HECW1: variants seen among roughly 807,000 people sequenced by gnomAD.
HECW1 encodes E3 ubiquitin-protein ligase HECW1.
A neutral mutation model predicts 182.3 loss-of-function variants in HECW1; 61 were observed. The observed-to-expected ratio is 0.33, with a 90% CI of 0.27 to 0.41. HECW1 has a LOEUF of 0.41. HECW1 is among the 10% of genes least tolerant of loss of function. The pLI, the probability that HECW1 is intolerant of heterozygous loss-of-function variation, is 1.00. For missense variants in HECW1, 1,739 were observed against 2,108.9 expected (o/e 0.82, Z 3.44); for synonymous variants, 859 against 832.6 (o/e 1.03, Z -0.55).
chr7:43,503,918 C>T (rs367711735), intron 21 of HECW1, among the ~76,000 whole-genome samples: 1 of 152,200 alleles, frequency 6.6e-6, no homozygotes, highest in African/African-American at 2.4e-5. Context: ...GTTCTGTGTA[C>T]ATCCCAAAAC....
At chr7:43,185,732 C>A (rs900181807) in intron 2 of HECW1, among the ~76,000 whole-genome samples, 1 of 152,160 alleles carries the variant, frequency 6.6e-6, no homozygotes, top group Admixed American at 6.5e-5. Context: ...TCAGTACACA[C>A]AGAATAACTT....
intron 8 of HECW1, among the ~76,000 whole-genome samples, chr7:43,437,339 G>A (rs2076744701): frequency 6.6e-6 from 1 of 151,316 alleles, no homozygotes; most frequent in Non-Finnish European, 1.5e-5. Context: ...AAACAGTTTT[G>A]GGTTTTTCTC....
chr7:43,382,378 G>A (rs1021044434), intron 6 of HECW1, among the ~76,000 whole-genome samples: 11 of 152,096 alleles, frequency 7.2e-5, no homozygotes, highest in African/African-American at 9.7e-5. Context: ...GATGCTCTCA[G>A]CACTTGCCCC....
rs760044944 is a variant in HECW1 at position 43,486,334 on chromosome 7, T to TGGAGTGCAATGGCAC, written c.3235-5724_3235-5710dup. 1.8e-3 allele frequency among the ~76,000 whole-genome samples: 268 copies of TGGAGTGCAATGGCAC among 152,140 alleles called. 1 individual carries two copies. Among genetic ancestry groups the TGGAGTGCAATGGCAC allele is most frequent in the African/African-American group, 6.0e-3 (250 of 41,526 alleles). On this transcript the variant is annotated intron_variant, in intron 17 of 29. Transcript: ENST00000395891. ...TGGAGTCTCACCCTGTCTCCCAGGC[T>TGGAGTGCAATGGCAC]GGAGTGCAATGGCACGGAGTGCAAT...
chr7:43,396,058 A>G (rs1395382136), intron 6 of HECW1, among the ~76,000 whole-genome samples: 2 of 152,240 alleles, frequency 1.3e-5, no homozygotes, highest in Non-Finnish European at 2.9e-5. Context: ...AACATACAAC[A>G]CATGCAAAGG....
intron 2 of HECW1, among the ~76,000 whole-genome samples, chr7:43,228,930 C>T (rs1237919730): frequency 6.6e-6 from 1 of 152,144 alleles, no homozygotes; most frequent in Non-Finnish European, 1.5e-5. Context: ...GAGGAATCTA[C>T]CAAATTGGTT....
chr7:43,545,369 A>G (rs183891753), intron 26 of HECW1, among the ~76,000 whole-genome samples: 2 of 152,356 alleles, frequency 1.3e-5, no homozygotes, highest in East Asian at 1.9e-4. Flanking sequence ...CAGAAGAACA[A>G]TCCTCTAGTG....
chr7:43,219,883 A>G (rs1262574460), intron 2 of HECW1, among the ~76,000 whole-genome samples: 1 of 152,058 alleles, frequency 6.6e-6, no homozygotes, highest in African/African-American at 2.4e-5. Flanking sequence ...CTCCCTTACT[A>G]CCACAAAAGG....
At chr7:43,493,391 T>C (rs763886079) in intron 19 of HECW1, among the ~76,000 whole-genome samples, 5 of 152,148 alleles carry the variant, frequency 3.3e-5, no homozygotes, top group Non-Finnish European at 7.3e-5. Context: ...AGATTACATA[T>C]CATTTATATG....
rs561467702 is a variant in HECW1 at position 43,198,062 on chromosome 7, A to C, written c.-31-45813A>C. On this transcript the variant is annotated intron_variant, in intron 2 of 29. Coordinates refer to ENST00000395891, the MANE Select transcript of HECW1 (RefSeq NM_015052.5). The stretch of plus-strand genomic sequence containing the variant: ...TACACACACCATAGTCACACACCCC[A>C]CACACACACTCTCTTACACACCACA... 1.7e-4 allele frequency among the ~76,000 whole-genome samples: 25 copies of C among 145,554 alleles called. No homozygotes were observed. In the East Asian group the frequency reaches 3.1e-3, roughly 18 times the overall value.
chr7:43,477,192 A>T (rs897640698), intron 16 of HECW1, among the ~76,000 whole-genome samples: 1 of 152,158 alleles, frequency 6.6e-6, no homozygotes, highest in African/African-American at 2.4e-5. Flanking sequence ...AGAGCATTAT[A>T]AAGAGGAAGA....
intron 24 of HECW1, among the ~76,000 whole-genome samples, chr7:43,520,947 C>T (rs890474153): frequency 1.3e-5 from 2 of 152,230 alleles, no homozygotes; most frequent in Non-Finnish European, 2.9e-5. Context: ...CTGCAGCCAG[C>T]GTGGTTTCTG....
intron 2 of HECW1, among the ~76,000 whole-genome samples, chr7:43,213,749 AT>A (rs1406176929): frequency 6.6e-6 from 1 of 152,082 alleles, no homozygotes. Flanking sequence ...CCAGCCAATA[AT>A]TTTTTTAAAA....
At chr7:43,450,713 G>C (rs1172684414) in intron 11 of HECW1, 115 bp from the exon 12 acceptor site, 4 of 681,452 alleles carry the variant, frequency 5.9e-6, no homozygotes, top group African/African-American at 5.3e-5. Context: ...CACACAAATG[G>C]ATTTCCCACT....
intron 16 of HECW1, among the ~76,000 whole-genome samples, chr7:43,477,179 G>T (rs1437175684): frequency 6.6e-6 from 1 of 152,230 alleles, no homozygotes; most frequent in East Asian, 1.9e-4. Context: ...ATTAGTATTT[G>T]TGAGAGCATT....
At chr7:43,378,949 T>C (rs1485734857) in intron 6 of HECW1, among the ~76,000 whole-genome samples, 1 of 152,070 alleles carries the variant, frequency 6.6e-6, no homozygotes, top group Non-Finnish European at 1.5e-5. Context: ...AGGGACAACC[T>C]ACCTTCCAGA....
intron 24 of HECW1, among the ~76,000 whole-genome samples, chr7:43,535,114 G>T (rs10226241): frequency 6.6e-6 from 1 of 152,096 alleles, no homozygotes; most frequent in African/African-American, 2.4e-5. Flanking sequence ...ATCAGACCTT[G>T]TGATATCATC....
At chr7:43,373,529 T>G (rs1027918939) in intron 6 of HECW1, among the ~76,000 whole-genome samples, 1 of 152,190 alleles carries the variant, frequency 6.6e-6, no homozygotes, top group Non-Finnish European at 1.5e-5. Context: ...ACTTATTTTT[T>G]TCTTTGCCTG....
intron 6 of HECW1, among the ~76,000 whole-genome samples, chr7:43,381,921 C>G (rs2074569185): frequency 6.6e-6 from 1 of 152,164 alleles, no homozygotes; most frequent in Non-Finnish European, 1.5e-5. Flanking sequence ...GCCTTGGCCT[C>G]CCAGAGTGCT....
Sources: allele counts gnomAD v4.1 joint callset (sites outside exome capture counted in the v4.1 genomes callset), GRCh38; gene constraint gnomAD v4.1.1; transcripts MANE v1.5; gene names NCBI Gene and HGNC (gene_info 2026-07-23, HGNC 2026-07-21).